The following BICC1 variants were observed in gnomAD, a reference collection of about 807,000 sequenced individuals.
BICC1 encodes the protein BicC family RNA binding protein 1.
In BICC1, 43 loss-of-function variants were observed where a neutral mutation model predicts 111.0. The observed-to-expected ratio is 0.39, with a 90% CI of 0.30 to 0.50. The LOEUF (loss-of-function observed/expected upper bound fraction) is 0.50, where lower values mean the gene tolerates loss of function less well. BICC1 is among the 20% of genes least tolerant of loss of function. The pLI, the probability that BICC1 is intolerant of heterozygous loss-of-function variation, is 0.88. For missense variants in BICC1, 1,091 were observed against 1,203.2 expected, an observed-to-expected ratio of 0.91 and a Z score of 1.38; for synonymous variants, 467 against 434.4, an observed-to-expected ratio of 1.07 and a Z score of -0.93.
In BICC1 at chr10:58,512,896, G is replaced by C. The variant is rs926384723; in HGVS notation, c.-248G>C. ...CATTCCGCGCGGGCGTTGCTGGCGG[G>C]GGGCGGCGCAGCCACTGGACCCGGA... is the stretch of plus-strand genomic sequence containing the variant. On this transcript the variant is annotated 5_prime_UTR_variant, in exon 1 of 21. Coordinates refer to ENST00000373886, the MANE Select transcript of BICC1 (RefSeq NM_001080512.3). Among the ~76,000 whole-genome samples, 4 of 147,436 alleles carry C rather than the reference G, an allele frequency of 2.7e-5. No homozygotes were observed. The highest frequency in any genetic ancestry group is 9.8e-5 in the African/African-American group (4 of 40,978).
At chr10:58,583,584 C>CTCTCTCTGTGTGTGTG (rs1219991922) in intron 1 of BICC1, among the ~76,000 whole-genome samples, 2 of 139,344 alleles carry the variant, frequency 1.4e-5, no homozygotes, top group Non-Finnish European at 3.1e-5. Flanking sequence ...TTCTCTCTCT[C>CTCTCTCTGTGTGTGTG]TGTGTGTGTG....
At chr10:58,791,225 T>C (rs1431462524) in intron 8 of BICC1, among the ~76,000 whole-genome samples, 2 of 152,220 alleles carry the variant, frequency 1.3e-5, no homozygotes, top group African/African-American at 4.8e-5. Flanking sequence ...ATCTTCATTT[T>C]TTTTCTGCTT....
intron 3 of BICC1, among the ~76,000 whole-genome samples, chr10:58,775,105 G>A (rs1350424855): frequency 6.6e-6 from 1 of 152,144 alleles, no homozygotes; most frequent in Non-Finnish European, 1.5e-5. Flanking sequence ...GGGTGCGGTG[G>A]CTCATGCCTG....
chr10:58,731,710 GA>G (rs1554826231), intron 3 of BICC1, among the ~76,000 whole-genome samples: 1 of 1,052 alleles, frequency 9.5e-4, no homozygotes, highest in South Asian at 0.042. Context: ...GACAAGGGGA[GA>G]GAGAGAGAGA....
Position 58,786,910 on chromosome 10 carries a change from T to G in BICC1, c.388-13T>G. 1 of 1,552,554 alleles carries G rather than the reference T, an allele frequency of 6.4e-7. No individual in the cohort carries two copies. The highest frequency in any genetic ancestry group is 8.6e-7 in the Non-Finnish European group (1 of 1,156,114). On this transcript the variant is annotated splice_polypyrimidine_tract_variant and intron_variant, in intron 4 of 20. Coordinates refer to ENST00000373886, the MANE Select transcript of BICC1 (RefSeq NM_001080512.3). ...TTGCATACATCAAGTAATAATACAT[T>G]ATTTTCACATAGAGCAATCGAGTCA...
chr10:58,655,875 TGA>T, intron 2 of BICC1, among the ~76,000 whole-genome samples: 1 of 151,970 alleles, frequency 6.6e-6, no homozygotes, highest in South Asian at 2.1e-4. Context: ...CCTAATTTAT[TGA>T]GAGTTTTTAG....
intron 1 of BICC1, among the ~76,000 whole-genome samples, chr10:58,528,530 C>T (rs528482107): frequency 1.1e-3 from 172 of 151,976 alleles, no homozygotes; most frequent in African/African-American, 3.9e-3. Context: ...GATTTCAAAT[C>T]TTCTCAGATA....
intron 1 of BICC1, among the ~76,000 whole-genome samples, chr10:58,542,155 A>AAC (rs201573472): frequency 0.01 from 1,493 of 147,668 alleles, 35 homozygotes; most frequent in African/African-American, 0.036. Context: ...TGTCTCAAAA[A>AAC]AAAAAAAAAA....
At chr10:58,621,335 G>A in intron 2 of BICC1, among the ~76,000 whole-genome samples, 1 of 152,184 alleles carries the variant, frequency 6.6e-6, no homozygotes, top group Non-Finnish European at 1.5e-5. Flanking sequence ...AATAGAATGT[G>A]CCAGACTGCT....
At chr10:58,612,239 C>T (rs959208891) in intron 1 of BICC1, among the ~76,000 whole-genome samples, 4 of 152,126 alleles carry the variant, frequency 2.6e-5, no homozygotes, top group Non-Finnish European at 5.9e-5. Flanking sequence ...TCAGTTGGCT[C>T]TCAGAGCTTT....
intron 1 of BICC1, among the ~76,000 whole-genome samples, chr10:58,553,851 A>G (rs902545826): frequency 1.8e-4 from 28 of 151,844 alleles, no homozygotes; most frequent in African/African-American, 6.8e-4. Flanking sequence ...AGAGTACAAA[A>G]ATGTAAAAAA....
rs1320027116 is a variant in BICC1 at position 58,781,136 on chromosome 10, A to G, written c.308-3865A>G. Among the ~76,000 whole-genome samples, 7 of 152,208 alleles carry G rather than the reference A, an allele frequency of 4.6e-5. No homozygotes were observed. The South Asian group carries it at 1.0e-3, about 23-fold the overall frequency. ...ACCAGAGGGATGTGAGCAGACGGGT[A>G]GGACAGGAATCTAAAAACCAAAAAT... On this transcript the variant is annotated intron_variant, in intron 3 of 20. Coordinates refer to ENST00000373886, the MANE Select transcript of BICC1 (RefSeq NM_001080512.3).
At chr10:58,737,899 T>A (rs1405880232) in intron 3 of BICC1, among the ~76,000 whole-genome samples, 1 of 152,232 alleles carries the variant, frequency 6.6e-6, no homozygotes, top group African/African-American at 2.4e-5. Context: ...TTGAGAAGTG[T>A]CTGTTCATAT....
rs560690477 is a variant in BICC1, at chr10:58,544,005, T to C, written c.190+30672T>C. 2.0e-5 allele frequency among the ~76,000 whole-genome samples: 3 copies of C among 152,190 alleles called. No homozygotes were observed. The East Asian group carries it at 5.8e-4, about 30-fold the overall frequency. ...GTTATGACACTTGAAGAGTCATAAC[T>C]GGTTACCTTTGTTACAGTTTAAAAA... On this transcript the variant is annotated intron_variant, in intron 1 of 20. Transcript: ENST00000373886.
chr10:58,602,361 A>G (rs1359346697), intron 1 of BICC1, among the ~76,000 whole-genome samples: 4 of 152,206 alleles, frequency 2.6e-5, no homozygotes, highest in African/African-American at 9.6e-5. Flanking sequence ...TCGAGGTAAC[A>G]TTATGTTATA....
At chr10:58,555,317 T>G (rs1276992461) in intron 1 of BICC1, among the ~76,000 whole-genome samples, 1 of 147,780 alleles carries the variant, frequency 6.8e-6, no homozygotes, top group Non-Finnish European at 1.5e-5. Flanking sequence ...TTTTTTTTTT[T>G]TTTTTTTTTT....
At chr10:58,787,165 G>A in intron 5 of BICC1, 84 bp downstream of exon 5, 1 of 1,268,642 alleles carries the variant, frequency 7.9e-7, no homozygotes, top group Non-Finnish European at 1.1e-6. Flanking sequence ...TTTTTTCTGA[G>A]AGGTGAGACA....
chr10:58,800,449 A>G lies in BICC1; in HGVS notation c.1858+123A>G, dbSNP rs925552608. 31 of 886,810 alleles carry G rather than the reference A, an allele frequency of 3.5e-5. No individual in the cohort carries two copies. In the East Asian group the frequency reaches 8.6e-4, roughly 25 times the overall value. The allele number at this position is 886,810 out of a possible 1,614,324, so 54.9% of individuals were successfully genotyped here. On this transcript the variant is annotated intron_variant, in intron 13 of 20. Coordinates refer to ENST00000373886, the MANE Select transcript of BICC1 (RefSeq NM_001080512.3). ...AACAGCTATCATTCATCCTACCTCA[A>G]TTATGTGGAAAGACAACATCCTGAA...
Position 58,513,215 on chromosome 10 carries a change from C to T in BICC1, c.72C>T (p.Thr24=). 1.2e-6 allele frequency: 2 copies of T among 1,611,062 alleles called. No homozygotes were observed. Among genetic ancestry groups the T allele is most frequent in the Non-Finnish European group, 1.7e-6 (2 of 1,179,056 alleles). ...SDPGSNSERS[T]DSPVPGSEDD... ...CCGGCTCCAACAGCGAGCGCAGCAC[C>T]GACTCCCCAGTGCCCGGCTCCGAGG... The change falls in exon 1 of 21, where the codon ACC becomes ACT. Residue 24 remains threonine (T), a synonymous_variant. Coordinates refer to ENST00000373886, the MANE Select transcript of BICC1 (RefSeq NM_001080512.3).
Sources: allele counts gnomAD v4.1 joint callset (sites outside exome capture counted in the v4.1 genomes callset), GRCh38; gene constraint gnomAD v4.1.1; transcripts MANE v1.5; gene names NCBI Gene and HGNC (gene_info 2026-07-23, HGNC 2026-07-21).